Variants in PLAT observed in about 807,000 individuals in gnomAD.
PLAT encodes plasminogen activator, tissue type, also known as tissue-type plasminogen activator.
In PLAT, 48 loss-of-function variants were observed where a neutral mutation model predicts 74.9. The ratio of observed to expected loss-of-function variants is 0.64; its 90% CI spans 0.51 to 0.82. The LOEUF is 0.82. PLAT is among the 40% of genes least tolerant of loss of function. The pLI, the probability that PLAT is intolerant of heterozygous loss-of-function variation, is 0.00. For synonymous variants in PLAT, 307 were observed against 294.4 expected, an observed-to-expected ratio of 1.04 and a Z score of -0.44; for missense variants, 673 against 736.2, an observed-to-expected ratio of 0.91 and a Z score of 0.99.
Position 42,182,813 on chromosome 8 carries a change from G to A in PLAT, c.709C>T (p.Leu237Phe), listed in dbSNP as rs757438587. 1.2e-6 allele frequency: 2 copies of A among 1,613,706 alleles called. No homozygotes were observed. Among genetic ancestry groups the A allele is most frequent in the Non-Finnish European group, 1.7e-6 (2 of 1,179,616 alleles). The change falls in exon 8 of 14, where the codon CTC (leucine) becomes TTC (phenylalanine). Residue 237 changes from leucine to phenylalanine, a missense_variant. Physicochemically the swap from Leu to Phe is conservative, Grantham distance 22 (BLOSUM62 0). Coordinates refer to ENST00000220809, the MANE Select transcript of PLAT (RefSeq NM_000930.5). Reference protein sequence around the residue: ...HSLTESGASCLPWNSMILIGK... With the variant: ...HSLTESGASCFPWNSMILIGK... Reference sequence around the variant, plus strand: ...ATCAGGATCATGGAATTCCACGGGAGGCAGGAGGCACCCGACTCGGTGAGG... The same window carrying A: ...ATCAGGATCATGGAATTCCACGGGAAGCAGGAGGCACCCGACTCGGTGAGG...
Position 42,181,920 on chromosome 8 carries a change from C to T in PLAT, c.889+17G>A, listed in dbSNP as rs758944441. The T allele has an allele frequency of 1.2e-5, 18 of 1,548,580 alleles. No homozygotes were observed. Among genetic ancestry groups the T allele is most frequent in the East Asian group, 6.7e-5 (3 of 44,582 alleles). ...GGGAGACCAGGTGCAGGGAGGCAGCCGGGGCCCAGCCCTTACAGCAGGAGG... is the reference window on the plus strand; with the variant it reads ...GGGAGACCAGGTGCAGGGAGGCAGCTGGGGCCCAGCCCTTACAGCAGGAGG... On this transcript the variant is annotated intron_variant, in intron 9 of 13. Coordinates refer to ENST00000220809, the MANE Select transcript of PLAT (RefSeq NM_000930.5).
At chr8:42,196,594 G>A in intron 1 of PLAT, among the ~76,000 whole-genome samples, 1 of 152,178 alleles carries the variant, frequency 6.6e-6, no homozygotes, top group East Asian at 1.9e-4. Flanking sequence ...GCCAGTGACG[G>A]GATGCAGAGC....
At chr8:42,206,797 T>C (rs1197591591) in intron 1 of PLAT, 3 of 152,208 alleles carry the variant, frequency 2.0e-5, no homozygotes, top group Non-Finnish European at 4.4e-5. Flanking sequence ...TTAATGTCAG[T>C]TTTTTCCCCT....
chr8:42,197,350 C>T (rs1805948313), intron 1 of PLAT, among the ~76,000 whole-genome samples: 1 of 152,232 alleles, frequency 6.6e-6, no homozygotes, highest in African/African-American at 2.4e-5. Flanking sequence ...GCTGTAGCAA[C>T]CAGAGTGACT....
chr8:42,187,776 G>T, intron 5 of PLAT, 130 bp downstream of exon 5: 2 of 767,640 alleles, frequency 2.6e-6, no homozygotes, highest in Non-Finnish European at 4.3e-6. Context: ...CCTGACCCAT[G>T]GCAGAAGCGC....
rs1305899953 is a variant in PLAT at position 42,174,725 on chromosome 8, CAATT to C, written c.*1264_*1267del. The stretch of plus-strand genomic sequence containing the variant: ...ATGGCTCCTCGTTGCCTACAGAAGT[CAATT>C]AAGTCCAAACTCAGTTTGGTGTTCA... On this transcript the variant is annotated 3_prime_UTR_variant, in exon 14 of 14. Transcript: ENST00000220809. Among the ~76,000 whole-genome samples the C allele has an allele frequency of 2.6e-5, 4 of 152,106 alleles. No homozygotes were observed. Among genetic ancestry groups the C allele is most frequent in the African/African-American group, 9.7e-5 (4 of 41,400 alleles).
intron 13 of PLAT, among the ~76,000 whole-genome samples, chr8:42,178,264 CT>C (rs5891180): frequency 0.35 from 38,715 of 110,412 alleles, 4,620 homozygotes; most frequent in Middle Eastern, 0.41. Context: ...ACATTTCTTT[CT>C]TTTTTTTTTT....
chr8:42,195,735 A>G (rs1057013940), intron 1 of PLAT: 1 of 152,186 alleles, frequency 6.6e-6, no homozygotes, highest in African/African-American at 2.4e-5. Flanking sequence ...TTTAAATTTT[A>G]TCCCATTACT....
Position 42,192,787 on chromosome 8 carries a change from G to A in PLAT, c.72+327C>T, listed in dbSNP as rs1805734966. Among the ~76,000 whole-genome samples, 3 of 152,170 alleles carry A rather than the reference G, an allele frequency of 2.0e-5. No individual in the cohort carries two copies. The South Asian group carries it at 6.2e-4, about 31-fold the overall frequency. On this transcript the variant is annotated intron_variant, in intron 2 of 13. Coordinates refer to ENST00000220809, the MANE Select transcript of PLAT (RefSeq NM_000930.5). ...TACCCCATAGATATGAGGGACAACT[G>A]TACTTTATGGATTAATTTGAATACA... is the stretch of plus-strand genomic sequence containing the variant.
At chr8:42,191,096 C>T (rs1021788753) in intron 3 of PLAT, among the ~76,000 whole-genome samples, 1 of 152,214 alleles carries the variant, frequency 6.6e-6, no homozygotes. Flanking sequence ...TGGCCGCCCC[C>T]CCCAGCCCCC....
chr8:42,205,385 G>A (rs896947121), intron 1 of PLAT, among the ~76,000 whole-genome samples: 1 of 152,224 alleles, frequency 6.6e-6, no homozygotes, highest in African/African-American at 2.4e-5. Flanking sequence ...AAATTAACCA[G>A]GTGTGGTGGC....
In PLAT at chr8:42,180,766, T is replaced by C. The variant is rs1805210239; in HGVS notation, c.890-81A>G. ...AGGTAGAGTGAGGAGGCCATCAGCA[T>C]GGCTGTAAAACCACAACTTTCACTT... On this transcript the variant is annotated intron_variant, in intron 9 of 13. Transcript: ENST00000220809. 4.7e-6 allele frequency: 5 copies of C among 1,057,536 alleles called. No homozygotes were observed. The East Asian group carries it at 1.2e-4, about 26-fold the overall frequency. 65.5% of individuals were successfully genotyped at this position (1,057,536 alleles called of 1,614,324 possible). A position where few individuals can be genotyped will look rare whatever the true frequency, so the allele number is the denominator to read the frequency against.
intron 13 of PLAT, 94 bp from the exon 14 acceptor site, chr8:42,176,245 T>C: frequency 1.2e-6 from 1 of 851,114 alleles, no homozygotes. Flanking sequence ...ATCTTCAAAA[T>C]ACAGCAGGCC....
intron 8 of PLAT, 21 bp from the exon 9 acceptor site, chr8:42,182,043 A>T: frequency 1.4e-6 from 2 of 1,476,896 alleles, no homozygotes; most frequent in Non-Finnish European, 9.5e-7. Context: ...AGAGAGTTTA[A>T]GGTTTCCTTT....
chr8:42,207,321 G>T (rs1806380815), intron 1 of PLAT, among the ~76,000 whole-genome samples, 173 bp downstream of exon 1: 1 of 152,152 alleles, frequency 6.6e-6, no homozygotes, highest in African/African-American at 2.4e-5. Flanking sequence ...CCAATCACAT[G>T]CAAATGCAAA....
intron 9 of PLAT, among the ~76,000 whole-genome samples, chr8:42,181,174 T>G (rs1319339724): frequency 1.3e-5 from 2 of 152,218 alleles, no homozygotes; most frequent in Non-Finnish European, 2.9e-5. Context: ...CTAATGCCCT[T>G]GGGTGTGAGT....
rs59850705 is a variant in PLAT at position 42,194,050 on chromosome 8, C to CTTTTTTTTTTTTTTTTTTTTTTTTT, written c.-26-840_-26-839insAAAAAAAAAAAAAAAAAAAAAAAAA. On this transcript the variant is annotated intron_variant, in intron 1 of 13. Coordinates refer to ENST00000220809, the MANE Select transcript of PLAT (RefSeq NM_000930.5). ...CTTTTTCCTTTCTTCTTTCTTCTTT[C>CTTTTTTTTTTTTTTTTTTTTTTTTT]TTTTTTTTTTTTTTTTTTTTGAGAC... Among the ~76,000 whole-genome samples the CTTTTTTTTTTTTTTTTTTTTTTTTT allele has an allele frequency of 5.2e-4, 44 of 84,910 alleles. 2 individuals carry two copies. Among genetic ancestry groups the CTTTTTTTTTTTTTTTTTTTTTTTTT allele is most frequent in the East Asian group, 7.6e-4 (2 of 2,626 alleles). 55.7% of individuals were successfully genotyped at this position (84,910 alleles called of 152,430 possible).
In PLAT at chr8:42,189,041, A is replaced by T; in HGVS notation, c.146T>A (p.Ile49Lys). Residue 49 changes from isoleucine to lysine, a missense_variant, in exon 4 of 14, where the codon ATA becomes AAA. Transcript: ENST00000220809. Reference protein sequence around the residue: ...VICRDEKTQMIYQQHQSWLRP... With the variant: ...VICRDEKTQMKYQQHQSWLRP... ...CAGCCATGACTGATGTTGCTGGTAT[A>T]TCATCTGCGTTTTTTCATCTCTGCA... is the stretch of plus-strand genomic sequence containing the variant. 6.2e-7 allele frequency: 1 copy of T among 1,613,990 alleles called. No homozygotes were observed. The highest frequency in any genetic ancestry group is 8.5e-7 in the Non-Finnish European group (1 of 1,179,880).
intron 12 of PLAT, among the ~76,000 whole-genome samples, chr8:42,179,409 C>T (rs1438624692): frequency 6.6e-6 from 1 of 152,214 alleles, no homozygotes; most frequent in African/African-American, 2.4e-5. Flanking sequence ...CAACCAAAAA[C>T]GTCTCCAGAC....
Sources: allele counts gnomAD v4.1 joint callset (sites outside exome capture counted in the v4.1 genomes callset), GRCh38; gene constraint gnomAD v4.1.1; transcripts MANE v1.5; gene names NCBI Gene and HGNC (gene_info 2026-07-23, HGNC 2026-07-21).